RAD51B: variants seen among roughly 807,000 people sequenced by gnomAD.
RAD51B encodes the protein RAD51 paralog B.
RAD51B carries 38 observed loss-of-function variants against 42.2 expected under a neutral mutation model. The observed-to-expected ratio is 0.90, with a 90% confidence interval of 0.70 to 1.18. RAD51B has a LOEUF of 1.18. RAD51B is among the 50% of genes most tolerant of loss of function. The pLI, the probability that RAD51B is intolerant of heterozygous loss-of-function variation, is 0.00. For synonymous variants in RAD51B, 154 were observed against 145.2 expected (o/e 1.06, Z -0.43); for missense variants, 373 against 400.7 (o/e 0.93, Z 0.59).
At chr14:68,494,008 G>T (rs894063591) in intron 10 of RAD51B, among the ~76,000 whole-genome samples, 1 of 152,200 alleles carries the variant, frequency 6.6e-6, no homozygotes, top group Admixed American at 6.5e-5. Flanking sequence ...GGACGCAGTG[G>T]CTCATGCCTG....
At chr14:68,197,237 A>G (rs1385961080) in intron 7 of RAD51B, among the ~76,000 whole-genome samples, 3 of 152,172 alleles carry the variant, frequency 2.0e-5, no homozygotes, top group East Asian at 1.9e-4. Flanking sequence ...TCTGATTTCT[A>G]TCACTACAGA....
At chr14:67,878,396 A>G (rs1047499851) in intron 5 of RAD51B, among the ~76,000 whole-genome samples, 3 of 152,256 alleles carry the variant, frequency 2.0e-5, no homozygotes, top group Admixed American at 6.5e-5. Context: ...ATTGATATAT[A>G]TAAATACTTT....
intron 8 of RAD51B, among the ~76,000 whole-genome samples, chr14:68,410,946 G>GT (rs1056304911): frequency 3.3e-5 from 5 of 151,832 alleles, no homozygotes; most frequent in African/African-American, 4.8e-5. Flanking sequence ...GTATACGGGG[G>GT]GGTGGGAGGA....
intron 7 of RAD51B, among the ~76,000 whole-genome samples, chr14:67,938,954 T>C (rs1363612304): frequency 6.6e-6 from 1 of 152,150 alleles, no homozygotes; most frequent in Non-Finnish European, 1.5e-5. Flanking sequence ...GTAAGAAAAA[T>C]ACTGATCAAA....
intron 7 of RAD51B, among the ~76,000 whole-genome samples, chr14:68,215,671 A>G (rs1269298104): frequency 1.3e-5 from 2 of 152,180 alleles, no homozygotes; most frequent in Non-Finnish European, 2.9e-5. Flanking sequence ...ACCACTGGAG[A>G]GGTTATGAAC....
chr14:68,121,246 G>A (rs1037326435), intron 7 of RAD51B, among the ~76,000 whole-genome samples: 6 of 152,166 alleles, frequency 3.9e-5, no homozygotes, highest in South Asian at 2.1e-4. Flanking sequence ...CATCATAAAA[G>A]CTTTGCAACC....
intron 7 of RAD51B, among the ~76,000 whole-genome samples, chr14:68,168,379 A>G (rs116821962): frequency 7.2e-4 from 110 of 152,244 alleles, no homozygotes; most frequent in African/African-American, 2.6e-3. Context: ...TACATATACC[A>G]TGGTAAAGCA....
At chr14:68,126,081 A>T (rs1479229147) in intron 7 of RAD51B, among the ~76,000 whole-genome samples, 2 of 152,214 alleles carry the variant, frequency 1.3e-5, no homozygotes, top group African/African-American at 4.8e-5. Flanking sequence ...GCTAGATCTG[A>T]TATGAATAAC....
intron 10 of RAD51B, among the ~76,000 whole-genome samples, chr14:68,567,065 C>T (rs1420119912): frequency 6.6e-6 from 1 of 152,064 alleles, no homozygotes. Flanking sequence ...TTTGGAAGGC[C>T]GAGGCGGGTG....
chr14:68,587,385 G>C (rs1890538566), intron 10 of RAD51B, among the ~76,000 whole-genome samples: 1 of 152,088 alleles, frequency 6.6e-6, no homozygotes, highest in Non-Finnish European at 1.5e-5. Flanking sequence ...AGAATCTCAG[G>C]CTGTAATTAC....
intron 10 of RAD51B, chr14:68,563,785 C>T (rs930042016): frequency 2.5e-5 from 25 of 985,214 alleles, no homozygotes; most frequent in Admixed American, 1.2e-4. Context: ...CCTGATTTTC[C>T]GTAAGAAACG....
intron 10 of RAD51B, among the ~76,000 whole-genome samples, chr14:68,572,768 T>C (rs1889771905): frequency 6.6e-6 from 1 of 152,200 alleles, no homozygotes; most frequent in African/African-American, 2.4e-5. Flanking sequence ...CCTGCTGACC[T>C]TGACTTCCCA....
chr14:68,374,981 C>T (rs1423158046), intron 8 of RAD51B, among the ~76,000 whole-genome samples: 1 of 151,584 alleles, frequency 6.6e-6, no homozygotes, highest in Non-Finnish European at 1.5e-5. Context: ...ATGAAATAAT[C>T]ACACCCATTA....
At chr14:68,034,611 GTTTA>G (rs1322101527) in intron 7 of RAD51B, among the ~76,000 whole-genome samples, 1 of 152,046 alleles carries the variant, frequency 6.6e-6, no homozygotes, top group Admixed American at 6.6e-5. Context: ...TGAAAAGATA[GTTTA>G]TTTATATAAC....
chr14:68,528,182 G>C (rs1038993279), intron 10 of RAD51B, among the ~76,000 whole-genome samples: 2 of 152,072 alleles, frequency 1.3e-5, no homozygotes, highest in African/African-American at 4.8e-5. Context: ...TCCCTGCATG[G>C]TTTCTAGCCC....
chr14:68,099,224 G>A (rs1003344427), intron 7 of RAD51B, among the ~76,000 whole-genome samples: 3 of 152,148 alleles, frequency 2.0e-5, no homozygotes, highest in South Asian at 2.1e-4. Flanking sequence ...AACAGAATAG[G>A]ATACTGGTCC....
chr14:68,525,265 C>T (rs1241832872), intron 10 of RAD51B, among the ~76,000 whole-genome samples: 2 of 152,248 alleles, frequency 1.3e-5, no homozygotes, highest in Non-Finnish European at 2.9e-5. Flanking sequence ...CCTCTAGAGC[C>T]TCTAGAAAGG....
At chr14:68,220,922 G>A (rs950542627) in intron 7 of RAD51B, among the ~76,000 whole-genome samples, 3 of 152,008 alleles carry the variant, frequency 2.0e-5, no homozygotes, top group Admixed American at 6.6e-5. Flanking sequence ...CACGAGGTCA[G>A]GAGATCGAGA....
At chr14:68,043,603 T>C (rs1163248563) in intron 7 of RAD51B, among the ~76,000 whole-genome samples, 1 of 152,240 alleles carries the variant, frequency 6.6e-6, no homozygotes, top group African/African-American at 2.4e-5. Context: ...TCTGTATTAC[T>C]TTCTCTACAA....
Sources: allele counts gnomAD v4.1 joint callset (sites outside exome capture counted in the v4.1 genomes callset), GRCh38; gene constraint gnomAD v4.1.1; transcripts MANE v1.5; gene names NCBI Gene and HGNC (gene_info 2026-07-23, HGNC 2026-07-21).